Variants in RNF180 observed in about 807,000 individuals in gnomAD.
RNF180 encodes the protein ring finger protein 180.
RNF180 carries 38 observed loss-of-function variants against 59.2 expected under a neutral mutation model. The observed-to-expected ratio is 0.64, with a 90% CI of 0.50 to 0.84. The LOEUF (loss-of-function observed/expected upper bound fraction) is 0.84, where lower values mean the gene tolerates loss of function less well. Ranked by LOEUF, RNF180 falls within the 40% of genes least tolerant of loss-of-function variation. The probability of loss-of-function intolerance (pLI) is 0.00; values close to 1 mark genes in which losing one functional copy is unlikely to be tolerated. For synonymous variants in RNF180, 262 were observed against 240.3 expected, an observed-to-expected ratio of 1.09 and a Z score of -0.84; for missense variants, 705 against 700.9, an observed-to-expected ratio of 1.01 and a Z score of -0.07.
At chr5:64,216,443 AAT>A (rs1343348274) in intron 4 of RNF180, among the ~76,000 whole-genome samples, 2 of 152,184 alleles carry the variant, frequency 1.3e-5, no homozygotes, top group African/African-American at 4.8e-5. Context: ...AGTACAGATC[AAT>A]CTTGCCCTTT....
chr5:64,255,534 A>C (rs1406915096), intron 5 of RNF180, among the ~76,000 whole-genome samples: 8 of 152,046 alleles, frequency 5.3e-5, no homozygotes, highest in Non-Finnish European at 1.2e-4. Context: ...TGAACTCATC[A>C]TTTTTTATGG....
rs547819063 is a variant in RNF180, at chr5:64,272,340, A to G, written c.1228-52846A>G. 2.0e-5 allele frequency among the ~76,000 whole-genome samples: 3 copies of G among 152,122 alleles called. No homozygotes were observed. The South Asian group carries it at 6.2e-4, about 32-fold the overall frequency. The stretch of plus-strand genomic sequence containing the variant: ...ACTAGGTAAAGAAGTATGAGGGCCA[A>G]ACATTACAGACAAACAGACCAATGT... On this transcript the variant is annotated intron_variant, in intron 5 of 7. Coordinates refer to ENST00000389100, the MANE Select transcript of RNF180 (RefSeq NM_001113561.2).
chr5:64,172,889 G>A (rs1208351852), intron 1 of RNF180, among the ~76,000 whole-genome samples: 1 of 152,194 alleles, frequency 6.6e-6, no homozygotes, highest in Non-Finnish European at 1.5e-5. Flanking sequence ...GACTGTCATG[G>A]TCAGTGGGAA....
chr5:64,331,974 CACAG>C (rs1744930314), intron 7 of RNF180, among the ~76,000 whole-genome samples: 1 of 152,112 alleles, frequency 6.6e-6, no homozygotes, highest in Non-Finnish European at 1.5e-5. Flanking sequence ...CACAGCCACA[CACAG>C]AGCCAACACC....
chr5:64,370,824 A>G lies in RNF180; in HGVS notation c.*1010A>G, dbSNP rs1313972999. ...AAAACTGGAGCAGAGACTTAAGCTT[A>G]TTTATTCAGTTATTCTGGTGGTCTT... On this transcript the variant is annotated 3_prime_UTR_variant, in exon 8 of 8. Transcript: ENST00000389100. 1 of 151,664 alleles carries G rather than the reference A, an allele frequency of 6.6e-6. No homozygotes were observed. Among genetic ancestry groups the G allele is most frequent in the Non-Finnish European group, 1.5e-5 (1 of 67,728 alleles). 9.4% of individuals were successfully genotyped at this position (151,664 alleles called of 1,614,324 possible).
At chr5:64,227,175 A>G (rs1385993379) in intron 5 of RNF180, among the ~76,000 whole-genome samples, 1 of 152,202 alleles carries the variant, frequency 6.6e-6, no homozygotes, top group Non-Finnish European at 1.5e-5. Flanking sequence ...CGGGACTTGC[A>G]GGAGGCCCTG....
At chr5:64,338,155 CTTA>C (rs1053857338) in intron 7 of RNF180, among the ~76,000 whole-genome samples, 44 of 152,070 alleles carry the variant, frequency 2.9e-4, no homozygotes, top group African/African-American at 9.9e-4. Flanking sequence ...ACGAAATTGT[CTTA>C]TTAAGTCTAA....
intron 7 of RNF180, among the ~76,000 whole-genome samples, chr5:64,351,203 G>A (rs1323549455): frequency 6.6e-6 from 1 of 151,676 alleles, no homozygotes; most frequent in African/African-American, 2.4e-5. Flanking sequence ...TGATTTGGCT[G>A]TTTGTCTGTT....
rs1182548748 is a variant in RNF180, at chr5:64,214,323, A to G, written c.997A>G (p.Met333Val). The change falls in exon 4 of 8, where the codon ATG becomes GTG. Residue 333 changes from methionine (M) to valine (V), a missense_variant. Met to Val is a conservative substitution (Grantham distance 21, BLOSUM62 1). Transcript: ENST00000389100. ...HTNTNNLTFL[M>V]DLPSAGRSMP... is the part of the protein sequence containing the mutation. ...TAATACTAACAATCTGACTTTCCTG[A>G]TGGACCTGCCCTCAGCTGGCAGGAG... 6.2e-7 allele frequency: 1 copy of G among 1,613,918 alleles called. No homozygotes were observed. The highest frequency in any genetic ancestry group is 8.5e-7 in the Non-Finnish European group (1 of 1,180,014).
chr5:64,363,249 C>T (rs1422849444), intron 7 of RNF180, among the ~76,000 whole-genome samples: 3 of 151,474 alleles, frequency 2.0e-5, no homozygotes, highest in Non-Finnish European at 4.4e-5. Flanking sequence ...AAGTCTTTAA[C>T]CCATTTGAAT....
chr5:64,194,833 AC>A (rs1751375748), intron 1 of RNF180, among the ~76,000 whole-genome samples: 3 of 152,266 alleles, frequency 2.0e-5, no homozygotes, highest in African/African-American at 7.2e-5. Context: ...TCCTTCGCCC[AC>A]TTTTTGATGG....
intron 6 of RNF180, 55 bp downstream of exon 6, chr5:64,325,466 C>T (rs1181857147): frequency 5.1e-6 from 6 of 1,188,030 alleles, no homozygotes; most frequent in Non-Finnish European, 7.3e-6. Context: ...TCTTATAGTT[C>T]TAAAGGTACT....
At chr5:64,231,454 ACT>A (rs1252919707) in intron 5 of RNF180, among the ~76,000 whole-genome samples, 1 of 152,110 alleles carries the variant, frequency 6.6e-6, no homozygotes, top group African/African-American at 2.4e-5. Flanking sequence ...TGTGCCACAC[ACT>A]CTTTATTTAT....
At chr5:64,254,717 T>C (rs1481458067) in intron 5 of RNF180, among the ~76,000 whole-genome samples, 3 of 152,162 alleles carry the variant, frequency 2.0e-5, no homozygotes, top group Non-Finnish European at 4.4e-5. Context: ...AATTATAGAG[T>C]AGGCGAAGCT....
chr5:64,310,132 T>C (rs180852250), intron 5 of RNF180, among the ~76,000 whole-genome samples: 55 of 151,872 alleles, frequency 3.6e-4, no homozygotes, highest in Non-Finnish European at 7.2e-4. Context: ...TTCATGAAGA[T>C]AGATGTAAAA....
At chr5:64,331,763 C>G (rs187019700) in intron 7 of RNF180, among the ~76,000 whole-genome samples, 1 of 152,130 alleles carries the variant, frequency 6.6e-6, no homozygotes, top group Admixed American at 6.5e-5. Context: ...GCCCCATGCT[C>G]GCCACATTGA....
chr5:64,213,051 G>T (rs1302498284), intron 3 of RNF180, among the ~76,000 whole-genome samples: 2 of 152,162 alleles, frequency 1.3e-5, no homozygotes, highest in Non-Finnish European at 2.9e-5. Flanking sequence ...CATAGAAAAT[G>T]CACTGTCTGA....
intron 7 of RNF180, among the ~76,000 whole-genome samples, chr5:64,336,092 C>CT (rs563716865): frequency 1.6e-3 from 241 of 152,306 alleles, no homozygotes; most frequent in Non-Finnish European, 2.7e-3. Flanking sequence ...ACCATCATCA[C>CT]TGTTCCACAT....
intron 5 of RNF180, among the ~76,000 whole-genome samples, chr5:64,285,838 C>G (rs556398900): frequency 6.6e-6 from 1 of 152,262 alleles, no homozygotes; most frequent in South Asian, 2.1e-4. Flanking sequence ...CCCTGCTCCA[C>G]TGTAGCTTTT....
Sources: allele counts gnomAD v4.1 joint callset (sites outside exome capture counted in the v4.1 genomes callset), GRCh38; gene constraint gnomAD v4.1.1; transcripts MANE v1.5; gene names NCBI Gene and HGNC (gene_info 2026-07-23, HGNC 2026-07-21).